Variants in SENP7 observed in about 807,000 individuals in gnomAD.
The protein encoded by SENP7 is SUMO specific peptidase 7.
A neutral mutation model predicts 141.2 loss-of-function variants in SENP7; 64 were observed. The observed-to-expected ratio is 0.45, with a 90% CI of 0.37 to 0.56. SENP7 has a LOEUF of 0.56. SENP7 is among the 20% of genes least tolerant of loss of function. The probability of loss-of-function intolerance (pLI) is 0.00; values close to 1 mark genes in which losing one functional copy is unlikely to be tolerated. For missense variants in SENP7, 1,025 were observed against 1,212.2 expected (o/e 0.85, Z 2.29); for synonymous variants, 382 against 426.4 (o/e 0.90, Z 1.28).
chr3:101,460,597 T>G (rs965066911), intron 3 of SENP7, among the ~76,000 whole-genome samples: 3 of 151,622 alleles, frequency 2.0e-5, no homozygotes, highest in Admixed American at 2.0e-4. Flanking sequence ...ATGAAACTCT[T>G]AGAAAAAAAA....
intron 4 of SENP7, among the ~76,000 whole-genome samples, chr3:101,438,299 G>A (rs749451644): frequency 6.6e-6 from 1 of 152,206 alleles, no homozygotes; most frequent in Non-Finnish European, 1.5e-5. Context: ...AATGAACCTT[G>A]AGGACATTAA....
Position 101,348,020 on chromosome 3 carries a change from A to T in SENP7, c.1689T>A (p.Asp563Glu). The T allele has an allele frequency of 6.3e-7, 1 of 1,599,580 alleles. No homozygotes were observed. Among genetic ancestry groups the T allele is most frequent in the Non-Finnish European group, 8.5e-7 (1 of 1,174,734 alleles). The change falls in exon 13 of 24, where the codon GAT becomes GAA. Residue 563 changes from aspartate (D) to glutamate (E), a missense_variant. Physicochemically the swap from Asp to Glu is conservative, Grantham distance 45 (BLOSUM62 2). Coordinates refer to ENST00000394095, the MANE Select transcript of SENP7 (RefSeq NM_020654.5). ...ACCCAAACCGCTTTAAATGTGTGGT[A>T]TCCACTAGCAATGAAATCTCATTCA... ...VSLNEISLLV[D>E]TTHLKRFGLW...
intron 3 of SENP7, among the ~76,000 whole-genome samples, chr3:101,475,989 G>C (rs1310603879): frequency 6.6e-6 from 1 of 152,020 alleles, no homozygotes; most frequent in Non-Finnish European, 1.5e-5. Context: ...AGACCAAATG[G>C]ACCTAAGAGA....
At chr3:101,490,486 G>C (rs2064921651) in intron 3 of SENP7, among the ~76,000 whole-genome samples, 1 of 152,030 alleles carries the variant, frequency 6.6e-6, no homozygotes, top group South Asian at 2.1e-4. Flanking sequence ...ACAAGCAACA[G>C]AAGAGGAAAA....
intron 3 of SENP7, among the ~76,000 whole-genome samples, chr3:101,477,955 TG>T (rs1325502760): frequency 4.6e-5 from 7 of 151,696 alleles, no homozygotes; most frequent in Admixed American, 6.6e-5. Context: ...AAAAAAGCGT[TG>T]TTTTTTTTAA....
intron 4 of SENP7, among the ~76,000 whole-genome samples, chr3:101,454,296 G>C (rs1262424867): frequency 6.6e-6 from 1 of 152,230 alleles, no homozygotes; most frequent in Non-Finnish European, 1.5e-5. Flanking sequence ...TAGATCACTT[G>C]AGCTCAGGAG....
intron 5 of SENP7, among the ~76,000 whole-genome samples, chr3:101,400,972 CCT>C (rs1439526839): frequency 6.6e-6 from 1 of 151,988 alleles, no homozygotes; most frequent in Non-Finnish European, 1.5e-5. Context: ...GCAGTACATG[CCT>C]GTAGTCCGAG....
Position 101,325,870 on chromosome 3 carries a change from G to C in SENP7, c.*73C>G, listed in dbSNP as rs1488970794. ...CAAGTTATTTTCTTCTCTGTGAGCT[G>C]GCTAACACAAATGCTGGTAAGAGGC... On this transcript the variant is annotated 3_prime_UTR_variant, in exon 24 of 24. Coordinates refer to ENST00000394095, the MANE Select transcript of SENP7 (RefSeq NM_020654.5). The C allele has an allele frequency of 7.2e-7, 1 of 1,385,824 alleles. No individual in the cohort carries two copies. Among genetic ancestry groups the C allele is most frequent in the African/African-American group, 1.5e-5 (1 of 67,694 alleles). 85.8% of individuals were successfully genotyped at this position (1,385,824 alleles called of 1,614,324 possible).
intron 3 of SENP7, among the ~76,000 whole-genome samples, chr3:101,471,240 G>A (rs2063979954): frequency 6.6e-6 from 1 of 152,236 alleles, no homozygotes; most frequent in East Asian, 1.9e-4. Context: ...CACACTACCT[G>A]ACTTCAAACT....
chr3:101,449,948 G>A (rs548684930), intron 4 of SENP7, among the ~76,000 whole-genome samples: 155 of 152,278 alleles, frequency 1.0e-3, no homozygotes, highest in Middle Eastern at 3.4e-3. Context: ...ACCCATCAGT[G>A]TGCTATATTC....
chr3:101,352,968 T>C (rs1194427905), intron 11 of SENP7, among the ~76,000 whole-genome samples: 1 of 152,018 alleles, frequency 6.6e-6, no homozygotes, highest in African/African-American at 2.4e-5. Context: ...AAATCCTGCC[T>C]CTACTGTCTC....
At chr3:101,419,968 G>A (rs1211678677) in intron 4 of SENP7, among the ~76,000 whole-genome samples, 2 of 152,170 alleles carry the variant, frequency 1.3e-5, no homozygotes, top group Admixed American at 6.5e-5. Context: ...GTGAAAATGC[G>A]ATTCAGAACC....
intron 2 of SENP7, among the ~76,000 whole-genome samples, chr3:101,495,151 G>A (rs1350887659): frequency 6.6e-6 from 1 of 152,056 alleles, no homozygotes; most frequent in African/African-American, 2.4e-5. Flanking sequence ...ACACACATGT[G>A]GCCGACATCA....
At chr3:101,337,937 G>C (rs2059230067) in intron 16 of SENP7, among the ~76,000 whole-genome samples, 1 of 152,024 alleles carries the variant, frequency 6.6e-6, no homozygotes, top group African/African-American at 2.4e-5. Flanking sequence ...GGCAGATCAC[G>C]AGGTCAAGAG....
chr3:101,443,821 T>C (rs1395227646), intron 4 of SENP7, among the ~76,000 whole-genome samples: 1 of 140,426 alleles, frequency 7.1e-6, no homozygotes, highest in South Asian at 2.4e-4. Context: ...CTGAAGTTGC[T>C]TATCAGCTTA....
intron 4 of SENP7, among the ~76,000 whole-genome samples, chr3:101,441,741 C>T (rs1257093640): frequency 6.6e-6 from 1 of 152,168 alleles, no homozygotes; most frequent in African/African-American, 2.4e-5. Context: ...AGAACTGGCA[C>T]AAATGGCTCA....
chr3:101,409,891 C>T (rs1304628718), intron 5 of SENP7, among the ~76,000 whole-genome samples: 2 of 152,096 alleles, frequency 1.3e-5, no homozygotes, highest in African/African-American at 2.4e-5. Flanking sequence ...GATTTTATGA[C>T]CAAGAACCCA....
At chr3:101,333,218 T>C in intron 17 of SENP7, 1 of 203,938 alleles carries the variant, frequency 4.9e-6, no homozygotes. Context: ...AACAGAATTC[T>C]CCAACTGTTA....
chr3:101,506,906 T>TA (rs1559925970), intron 1 of SENP7, among the ~76,000 whole-genome samples: 2 of 152,018 alleles, frequency 1.3e-5, no homozygotes, highest in East Asian at 3.9e-4. Flanking sequence ...TAAGTTTTTT[T>TA]AAAAAATAGC....
Sources: allele counts gnomAD v4.1 joint callset (sites outside exome capture counted in the v4.1 genomes callset), GRCh38; gene constraint gnomAD v4.1.1; transcripts MANE v1.5; gene names NCBI Gene and HGNC (gene_info 2026-07-23, HGNC 2026-07-21).